The following NCKAP5 variants were observed in gnomAD, a reference collection of about 807,000 sequenced individuals.
NCKAP5 encodes the protein NCK associated protein 5, also known as nck-associated protein 5.
A neutral mutation model predicts 167.0 loss-of-function variants in NCKAP5; 92 were observed. That is an observed-to-expected ratio of 0.55 (90% confidence interval 0.47 to 0.66). NCKAP5 has a LOEUF of 0.66. NCKAP5 is among the 30% of genes least tolerant of loss of function. NCKAP5 has a pLI of 0.00. For missense variants in NCKAP5, 2,378 were observed against 2,315.0 expected (o/e 1.03, Z -0.56); for synonymous variants, 891 against 877.4 (o/e 1.02, Z -0.27).
chr2:133,105,859 T>C (rs1196553366), intron 6 of NCKAP5, among the ~76,000 whole-genome samples: 3 of 152,218 alleles, frequency 2.0e-5, no homozygotes, highest in Non-Finnish European at 4.4e-5. Context: ...TAAGAGTTTT[T>C]AGTGATTTTT....
intron 3 of NCKAP5, 71 bp from the exon 4 acceptor site, chr2:133,303,181 T>A (rs1680525588): frequency 9.5e-7 from 1 of 1,048,876 alleles, no homozygotes; most frequent in African/African-American, 1.6e-5. Flanking sequence ...CCTGACCTTA[T>A]CTCTACAAGG....
At chr2:133,071,890 C>G (rs2080419750) in intron 6 of NCKAP5, among the ~76,000 whole-genome samples, 1 of 152,090 alleles carries the variant, frequency 6.6e-6, no homozygotes, top group Non-Finnish European at 1.5e-5. Flanking sequence ...TGTTTCAGAT[C>G]CCACCTCTGC....
intron 4 of NCKAP5, among the ~76,000 whole-genome samples, chr2:133,263,556 A>G (rs753015447): frequency 6.6e-6 from 1 of 152,134 alleles, no homozygotes; most frequent in Non-Finnish European, 1.5e-5. Flanking sequence ...AATGCAAACC[A>G]AAATTTATGA....
intron 6 of NCKAP5, among the ~76,000 whole-genome samples, chr2:133,124,128 T>A (rs2082330960): frequency 6.6e-6 from 1 of 152,112 alleles, no homozygotes; most frequent in Admixed American, 6.6e-5. Flanking sequence ...AAGAAATAGC[T>A]TCAAGGCTGT....
At chr2:132,748,625 A>T (rs988644081) in intron 16 of NCKAP5, among the ~76,000 whole-genome samples, 2 of 152,194 alleles carry the variant, frequency 1.3e-5, no homozygotes, top group African/African-American at 2.4e-5. Context: ...GCTGCTCTGC[A>T]ACAACTATAC....
the NCKAP5 span, among the ~76,000 whole-genome samples, chr2:133,645,645 T>G: frequency 2.0e-5 from 3 of 152,116 alleles, no homozygotes; most frequent in Non-Finnish European, 4.4e-5. Flanking sequence ...ACGCCTATCT[T>G]ATAGAGTTGT....
intron 5 of NCKAP5, among the ~76,000 whole-genome samples, chr2:133,187,435 A>G (rs1821425): frequency 0.63 from 95,631 of 151,762 alleles, 32,012 homozygotes; most frequent in East Asian, 0.96. Flanking sequence ...TGCATCTGCA[A>G]TCCCAGCTAC....
chr2:133,262,197 G>T lies in NCKAP5; in HGVS notation c.143+40840C>A, dbSNP rs539720642. Among the ~76,000 whole-genome samples, 146 of 152,092 alleles carry T rather than the reference G, an allele frequency of 9.6e-4. 1 individual carries two copies. The highest frequency in any genetic ancestry group is 3.4e-3 in the African/African-American group (141 of 41,470). On this transcript the variant is annotated intron_variant, in intron 4 of 19. Coordinates refer to ENST00000409261, the MANE Select transcript of NCKAP5 (RefSeq NM_207363.3). The stretch of plus-strand genomic sequence containing the variant: ...AACAGGTTAGAGAGATTCATAAACT[G>T]GCCCCAAATCACATCAATAATAAAT...
intron 2 of NCKAP5, among the ~76,000 whole-genome samples, chr2:133,519,286 A>T (rs953771771): frequency 1.3e-5 from 2 of 152,204 alleles, no homozygotes; most frequent in African/African-American, 4.8e-5. Flanking sequence ...CCACTCAGAA[A>T]CTCTTAAGAG....
intron 6 of NCKAP5, among the ~76,000 whole-genome samples, chr2:133,085,007 A>C (rs1440826487): frequency 6.6e-6 from 1 of 152,160 alleles, no homozygotes; most frequent in South Asian, 2.1e-4. Flanking sequence ...GGTCTCCTGC[A>C]TATTCTTCTT....
chr2:133,426,095 C>T (rs565820422), intron 3 of NCKAP5, among the ~76,000 whole-genome samples: 29 of 152,162 alleles, frequency 1.9e-4, no homozygotes, highest in African/African-American at 6.5e-4. Flanking sequence ...CATGGTGAAA[C>T]CCCATCTCCA....
intron 11 of NCKAP5, among the ~76,000 whole-genome samples, chr2:132,857,908 A>G (rs947812944): frequency 1.1e-3 from 168 of 152,216 alleles, no homozygotes; most frequent in African/African-American, 3.5e-3. Context: ...AATTTGCTAA[A>G]TGATATCCAT....
At position 133,403,900 on chromosome 2, in the gene NCKAP5, T is replaced by C. The variant is rs555196492; in HGVS notation, c.70-100790A>G. Among the ~76,000 whole-genome samples, 84 of 144,880 alleles carry C rather than the reference T, an allele frequency of 5.8e-4. 1 individual carries two copies. In the South Asian group the frequency reaches 0.017, roughly 29 times the overall value. On this transcript the variant is annotated intron_variant, in intron 3 of 19. Coordinates refer to ENST00000409261, the MANE Select transcript of NCKAP5 (RefSeq NM_207363.3). The stretch of plus-strand genomic sequence containing the variant: ...GCAGTCAGGTGGATGTGTGTGTGTG[T>C]GTGTGTGTGTGTGTGTAGGTGAGTT...
At chr2:133,208,018 C>A (rs7587553) in intron 5 of NCKAP5, among the ~76,000 whole-genome samples, 150,105 of 152,244 alleles carry the variant, frequency 0.99, 74,007 homozygotes, top group East Asian at 1. Flanking sequence ...ACACTACTTC[C>A]GCCAAATGAC....
intron 19 of NCKAP5, among the ~76,000 whole-genome samples, chr2:132,701,513 T>C (rs956644913): frequency 6.7e-6 from 1 of 148,932 alleles, no homozygotes; most frequent in East Asian, 1.9e-4. Flanking sequence ...CTCTTTCTAT[T>C]ACATCAGATA....
intron 16 of NCKAP5, among the ~76,000 whole-genome samples, chr2:132,753,871 G>A (rs1318288554): frequency 1.3e-5 from 2 of 152,098 alleles, no homozygotes; most frequent in Non-Finnish European, 2.9e-5. Flanking sequence ...TCCAACTGCC[G>A]GCAGCCATAT....
chr2:133,578,153 T>C, the NCKAP5 span, among the ~76,000 whole-genome samples: 1 of 152,164 alleles, frequency 6.6e-6, no homozygotes, highest in African/African-American at 2.4e-5. Flanking sequence ...CCCTCCCATG[T>C]AAAGATTCTG....
chr2:132,870,539 T>A (rs796107431), intron 9 of NCKAP5, among the ~76,000 whole-genome samples: 26 of 152,246 alleles, frequency 1.7e-4, no homozygotes, highest in African/African-American at 6.3e-4. Context: ...GGTCCTTGAC[T>A]TCAAAGACTC....
intron 3 of NCKAP5, among the ~76,000 whole-genome samples, chr2:133,466,840 T>C (rs1692636141): frequency 6.6e-6 from 1 of 152,174 alleles, no homozygotes; most frequent in Admixed American, 6.5e-5. Context: ...AGAATGCTTG[T>C]GATTTTTGTA....
Sources: allele counts gnomAD v4.1 joint callset (sites outside exome capture counted in the v4.1 genomes callset), GRCh38; gene constraint gnomAD v4.1.1; transcripts MANE v1.5; gene names NCBI Gene and HGNC (gene_info 2026-07-23, HGNC 2026-07-21).